Variants in PARD3 observed in about 807,000 individuals in gnomAD.
PARD3 encodes par-3 family cell polarity regulator.
In PARD3, 75 loss-of-function variants were observed where a neutral mutation model predicts 155.4. The ratio of observed to expected loss-of-function variants is 0.48; its 90% confidence interval spans 0.40 to 0.58. The LOEUF (loss-of-function observed/expected upper bound fraction) is 0.58, where lower values mean the gene tolerates loss of function less well. Ranked by LOEUF, PARD3 falls within the 20% of genes least tolerant of loss-of-function variation. The pLI is 0.00. For synonymous variants in PARD3, 576 were observed against 610.5 expected (o/e 0.94, Z 0.83); for missense variants, 1,642 against 1,721.7 (o/e 0.95, Z 0.82).
At chr10:34,410,379 G>T (rs1844928309) in intron 5 of PARD3, among the ~76,000 whole-genome samples, 1 of 150,538 alleles carries the variant, frequency 6.6e-6, no homozygotes, top group Admixed American at 6.6e-5. Context: ...TCATTTTATT[G>T]CAATCATTAA....
At chr10:34,353,801 CA>C (rs1467489053) in intron 14 of PARD3, among the ~76,000 whole-genome samples, 14 of 151,360 alleles carry the variant, frequency 9.2e-5, no homozygotes, top group African/African-American at 3.4e-4. Flanking sequence ...TAAGTGAAAA[CA>C]ATTTTTCTCT....
chr10:34,568,784 A>C (rs111942690), intron 2 of PARD3, among the ~76,000 whole-genome samples: 7 of 152,288 alleles, frequency 4.6e-5, no homozygotes, highest in African/African-American at 1.7e-4. Flanking sequence ...TCTGAACTTC[A>C]ATTTCCTCAA....
Position 34,517,167 on chromosome 10 carries a change from T to C in PARD3, c.223-8A>G. 1 of 1,611,738 alleles carries C rather than the reference T, an allele frequency of 6.2e-7. No individual in the cohort carries two copies. On this transcript the variant is annotated splice_region_variant and splice_polypyrimidine_tract_variant and intron_variant, in intron 2 of 24. Coordinates refer to ENST00000374788, the MANE Select transcript of PARD3 (RefSeq NM_001184785.2). Reference sequence around the variant, plus strand: ...ATCAAACACTGCTACCAGCTAGAAATGAAAGGTAAATGTGCACTTATAAAT... The same window carrying C: ...ATCAAACACTGCTACCAGCTAGAAACGAAAGGTAAATGTGCACTTATAAAT...
At chr10:34,593,290 T>C (rs1216115089) in intron 2 of PARD3, among the ~76,000 whole-genome samples, 3 of 152,230 alleles carry the variant, frequency 2.0e-5, no homozygotes, top group Admixed American at 2.0e-4. Flanking sequence ...CATCTGTGAT[T>C]CCATGTCTAC....
intron 22 of PARD3, among the ~76,000 whole-genome samples, chr10:34,135,962 C>T (rs1046278820): frequency 3.9e-5 from 6 of 152,190 alleles, no homozygotes; most frequent in African/African-American, 7.2e-5. Flanking sequence ...CCTGGTGTTG[C>T]TTCTTATTTA....
intron 12 of PARD3, among the ~76,000 whole-genome samples, chr10:34,364,552 T>TC (rs1194419995): frequency 3.9e-5 from 6 of 152,000 alleles, no homozygotes; most frequent in African/African-American, 1.4e-4. Flanking sequence ...GCCCTCAGCC[T>TC]CCCAAGTAGC....
At chr10:34,614,255 A>C (rs2091104877) in intron 2 of PARD3, among the ~76,000 whole-genome samples, 1 of 152,232 alleles carries the variant, frequency 6.6e-6, no homozygotes, top group African/African-American at 2.4e-5. Context: ...CAGAGGAAGG[A>C]CCAGGAACCT....
rs80265614 is a variant in PARD3, at chr10:34,513,814, C to T, written c.403+3165G>A. Among the ~76,000 whole-genome samples the T allele has an allele frequency of 7.2e-5, 11 of 152,296 alleles. No homozygotes were observed. In the East Asian group the frequency reaches 2.1e-3, roughly 29 times the overall value. ...TCTGGGCTGCAGAGTTCTCTGATGT[C>T]GGATTGTCCTGTGCTTGTAAGGTAT... On this transcript the variant is annotated intron_variant, in intron 3 of 24. Transcript: ENST00000374788.
At chr10:34,270,433 G>T (rs768654839) in intron 21 of PARD3, among the ~76,000 whole-genome samples, 1 of 152,058 alleles carries the variant, frequency 6.6e-6, no homozygotes, top group Non-Finnish European at 1.5e-5. Flanking sequence ...GTGAGCCACC[G>T]TGCCTGGCCA....
At chr10:34,630,184 C>T (rs1202302764) in intron 2 of PARD3, among the ~76,000 whole-genome samples, 1 of 152,212 alleles carries the variant, frequency 6.6e-6, no homozygotes, top group Non-Finnish European at 1.5e-5. Context: ...TGTGGGCCTG[C>T]ACTTACTCGG....
At chr10:34,519,284 GTTTC>G (rs2081980558) in intron 2 of PARD3, among the ~76,000 whole-genome samples, 1 of 152,040 alleles carries the variant, frequency 6.6e-6, no homozygotes, top group Non-Finnish European at 1.5e-5. Flanking sequence ...CTCAGTGTGA[GTTTC>G]TTTCTTTTGA....
intron 22 of PARD3, among the ~76,000 whole-genome samples, chr10:34,153,173 C>T (rs1948855522): frequency 6.6e-6 from 1 of 152,144 alleles, no homozygotes; most frequent in Admixed American, 6.5e-5. Context: ...TACACGGATG[C>T]AATCAAAGCT....
chr10:34,223,261 G>GCCA (rs1952409372), intron 22 of PARD3, among the ~76,000 whole-genome samples: 1 of 152,098 alleles, frequency 6.6e-6, no homozygotes, highest in African/African-American at 2.4e-5. Flanking sequence ...CCGCCAAAAT[G>GCCA]CCACCAACAA....
At chr10:34,254,581 T>G (rs1588951444) in intron 22 of PARD3, among the ~76,000 whole-genome samples, 1 of 149,334 alleles carries the variant, frequency 6.7e-6, no homozygotes, top group Middle Eastern at 3.5e-3. Flanking sequence ...TGTGTGTGTA[T>G]AAAAATTTAG....
intron 3 of PARD3, among the ~76,000 whole-genome samples, chr10:34,496,141 C>A (rs917264397): frequency 2.0e-5 from 3 of 150,880 alleles, no homozygotes; most frequent in Non-Finnish European, 4.4e-5. Context: ...GTCTTGGCAG[C>A]GAGCCAAGAT....
chr10:34,299,268 C>A (rs1957046109), intron 20 of PARD3, among the ~76,000 whole-genome samples: 1 of 152,210 alleles, frequency 6.6e-6, no homozygotes, highest in South Asian at 2.1e-4. Flanking sequence ...GCTATTCCAG[C>A]TGACAAAGAC....
chr10:34,280,447 T>G (rs1411856257), intron 21 of PARD3, among the ~76,000 whole-genome samples: 1 of 152,218 alleles, frequency 6.6e-6, no homozygotes, highest in Non-Finnish European at 1.5e-5. Context: ...TCTGTAGTTT[T>G]TAGTATTAGA....
chr10:34,555,342 T>A (rs1413298408), intron 2 of PARD3, among the ~76,000 whole-genome samples: 1 of 152,198 alleles, frequency 6.6e-6, no homozygotes, highest in South Asian at 2.1e-4. Flanking sequence ...TGAACTACGA[T>A]CCCATTCCAT....
At chr10:34,437,177 G>A (rs918487876) in intron 5 of PARD3, among the ~76,000 whole-genome samples, 15 of 152,046 alleles carry the variant, frequency 9.9e-5, no homozygotes, top group Admixed American at 7.9e-4. Flanking sequence ...TCATACAGAA[G>A]TCTAATGAAC....
Sources: allele counts gnomAD v4.1 joint callset (sites outside exome capture counted in the v4.1 genomes callset), GRCh38; gene constraint gnomAD v4.1.1; transcripts MANE v1.5; gene names NCBI Gene and HGNC (gene_info 2026-07-23, HGNC 2026-07-21).